Variants in CCT4 observed in about 807,000 individuals in gnomAD.
CCT4 encodes the protein chaperonin containing TCP1 subunit 4.
Under a neutral mutation model 62.5 loss-of-function variants are expected in CCT4, and 17 were observed. That is an observed-to-expected ratio of 0.27 (90% CI 0.19 to 0.41). The LOEUF (loss-of-function observed/expected upper bound fraction) is 0.41, where lower values mean the gene tolerates loss of function less well. Ranked by LOEUF, CCT4 falls within the 10% of genes least tolerant of loss-of-function variation. The probability of loss-of-function intolerance (pLI) is 1.00; values close to 1 mark genes in which losing one functional copy is unlikely to be tolerated. For missense variants in CCT4, 592 were observed against 659.2 expected (o/e 0.90, Z 1.12); for synonymous variants, 250 against 229.9 (o/e 1.09, Z -0.79).
intron 1 of CCT4, among the ~76,000 whole-genome samples, chr2:61,885,483 T>C (rs530189171): frequency 6.6e-6 from 1 of 152,280 alleles, no homozygotes; most frequent in East Asian, 1.9e-4. Context: ...CAATCTCGGC[T>C]CACTGCAACC....
chr2:61,881,364 C>T (rs1212265717), intron 3 of CCT4, among the ~76,000 whole-genome samples: 1 of 151,904 alleles, frequency 6.6e-6, no homozygotes, highest in African/African-American at 2.4e-5. Context: ...TCAGGTGATC[C>T]ACCCGCCTCA....
chr2:61,869,482 A>G lies in CCT4; in HGVS notation c.1563T>C (p.Leu521=), dbSNP rs1422229051. The change falls in exon 13 of 14, where the codon CTT becomes CTC. Residue 521 remains leucine (L), a synonymous_variant. Transcript: ENST00000394440. The part of the protein sequence containing the change: ...PLLVSVSALT[L]ATETVRSILK... ...GAATGCTCCGAACAGTTTCAGTTGC[A>G]AGAGTCAGAGCACTGACTGATACCA... is the stretch of plus-strand genomic sequence containing the variant. 6.2e-7 allele frequency: 1 copy of G among 1,612,866 alleles called. No individual in the cohort carries two copies.
intron 12 of CCT4, among the ~76,000 whole-genome samples, chr2:61,870,984 A>C (rs1668872233): frequency 6.6e-6 from 1 of 152,084 alleles, no homozygotes; most frequent in Non-Finnish European, 1.5e-5. Context: ...GGAAGGAAAA[A>C]AAAAATGGCT....
intron 1 of CCT4, 111 bp from the exon 2 acceptor site, chr2:61,885,183 C>T: frequency 1.5e-6 from 1 of 661,188 alleles, no homozygotes. Context: ...CTCAAGCAAC[C>T]CTCCCACCTC....
intron 1 of CCT4, 45 bp from the exon 2 acceptor site, chr2:61,885,117 T>C (rs1669220167): frequency 4.7e-6 from 7 of 1,486,602 alleles, no homozygotes; most frequent in Admixed American, 2.5e-5. Flanking sequence ...AGAACTTTTT[T>C]TTTTTTAAGA....
intron 5 of CCT4, 49 bp downstream of exon 5, chr2:61,878,820 T>TA: frequency 7.2e-7 from 1 of 1,385,130 alleles, no homozygotes; most frequent in Non-Finnish European, 1.0e-6. Flanking sequence ...AATCATAGAG[T>TA]AACACACTTT....
rs911003086 is a variant in CCT4, at chr2:61,878,819, G to A, written c.522+50C>T. The stretch of plus-strand genomic sequence containing the variant: ...ACCGTATAGCATCAAGAATCATAGA[G>A]TAACACACTTTTAACTAATTTGACA... On this transcript the variant is annotated intron_variant, in intron 5 of 13. Coordinates refer to ENST00000394440, the MANE Select transcript of CCT4 (RefSeq NM_006430.4). 5 of 1,376,774 alleles carry A rather than the reference G, an allele frequency of 3.6e-6. No homozygotes were observed. The African/African-American group carries it at 7.1e-5, about 20-fold the overall frequency. 85.3% of individuals were successfully genotyped at this position (1,376,774 alleles called of 1,614,324 possible). A position where few individuals can be genotyped will look rare whatever the true frequency, so the allele number is the denominator to read the frequency against.
At chr2:61,881,567 A>C (rs1240787319) in intron 3 of CCT4, among the ~76,000 whole-genome samples, 3 of 147,492 alleles carry the variant, frequency 2.0e-5, no homozygotes, top group African/African-American at 8.1e-5. Flanking sequence ...GAAAATACAG[A>C]AAGAAATTAA....
Position 61,878,914 on chromosome 2 carries a change from G to C in CCT4, c.477C>G (p.Asp159Glu). ...TTGCACTATTTAACAAAGTTTCTCT[G>C]TCACTCAGTTCCACAGGTCGAGACA... The part of the protein sequence containing the change: ...TDMSRPVELS[D>E]RETLLNSATT... Residue 159 changes from aspartate (D) to glutamate (E), a missense_variant, in exon 5 of 14, where the codon GAC (aspartate) becomes GAG (glutamate). Asp to Glu is a conservative substitution (Grantham distance 45, BLOSUM62 2). This residue lies in a region of CCT4 where 522 missense variants were observed against 571.2 expected (regional missense o/e 0.91). Coordinates refer to ENST00000394440, the MANE Select transcript of CCT4 (RefSeq NM_006430.4). The C allele has an allele frequency of 6.2e-7, 1 of 1,611,460 alleles. No homozygotes were observed. Among genetic ancestry groups the C allele is most frequent in the East Asian group, 2.2e-5 (1 of 44,812 alleles).
At chr2:61,875,167 T>G (rs1668971841) in intron 8 of CCT4, among the ~76,000 whole-genome samples, 1 of 152,018 alleles carries the variant, frequency 6.6e-6, no homozygotes, top group Non-Finnish European at 1.5e-5. Flanking sequence ...ATTACGCACT[T>G]TTTATCAAAA....
chr2:61,883,898 C>T (rs534992690), intron 2 of CCT4, among the ~76,000 whole-genome samples: 1 of 152,166 alleles, frequency 6.6e-6, no homozygotes, highest in East Asian at 1.9e-4. Flanking sequence ...CCATGGATGC[C>T]CCTAAAGCAG....
chr2:61,883,250 G>A (rs897609112), intron 3 of CCT4, among the ~76,000 whole-genome samples: 2 of 151,904 alleles, frequency 1.3e-5, no homozygotes, highest in African/African-American at 2.4e-5. Flanking sequence ...GGTGAAACCC[G>A]TCTCTACTGA....
chr2:61,881,052 C>A (rs1669100624), intron 3 of CCT4, among the ~76,000 whole-genome samples: 1 of 151,896 alleles, frequency 6.6e-6, no homozygotes, highest in Non-Finnish European at 1.5e-5. Flanking sequence ...GAGTCTTTTG[C>A]CAAGTTTATT....
intron 12 of CCT4, among the ~76,000 whole-genome samples, chr2:61,871,753 T>A (rs1484436415): frequency 6.6e-6 from 1 of 152,248 alleles, no homozygotes; most frequent in African/African-American, 2.4e-5. Context: ...GCTTGTTAAC[T>A]AGAAATGCAT....
At chr2:61,882,678 T>A (rs374741835) in intron 3 of CCT4, among the ~76,000 whole-genome samples, 22 of 152,076 alleles carry the variant, frequency 1.4e-4, no homozygotes, top group Admixed American at 1.3e-4. Flanking sequence ...CAACTATTAT[T>A]TTTTGTATTT....
rs1668821984 is a variant in CCT4 at position 61,868,584 on chromosome 2, C to A, written c.*108G>T. 1.2e-6 allele frequency: 1 copy of A among 816,970 alleles called. No individual in the cohort carries two copies. Among genetic ancestry groups the A allele is most frequent in the South Asian group, 1.6e-5 (1 of 61,796 alleles). 50.6% of individuals were successfully genotyped at this position (816,970 alleles called of 1,614,324 possible). On this transcript the variant is annotated 3_prime_UTR_variant, in exon 14 of 14. Transcript: ENST00000394440. ...GGCAAATGCCAACTGGAAGACCAAGCCCAGAAATTCAGAGGAAATAATCTT... is the reference window on the plus strand; with the variant it reads ...GGCAAATGCCAACTGGAAGACCAAGACCAGAAATTCAGAGGAAATAATCTT...
intron 7 of CCT4, 28 bp from the exon 8 acceptor site, chr2:61,876,262 G>T (rs756974352): frequency 3.3e-6 from 5 of 1,530,962 alleles, no homozygotes; most frequent in East Asian, 2.3e-5. Context: ...ATCATAATTT[G>T]CATTGTAAGA....
At chr2:61,877,201 A>T in intron 6 of CCT4, 149 bp from the exon 7 acceptor site, 1 of 889,232 alleles carries the variant, frequency 1.1e-6, no homozygotes, top group South Asian at 1.7e-5. Flanking sequence ...TCTTTGATCC[A>T]CTGCTGCCTT....
At chr2:61,885,119 T>TG (rs1483088310) in intron 1 of CCT4, 47 bp from the exon 2 acceptor site, 4 of 1,475,674 alleles carry the variant, frequency 2.7e-6, no homozygotes, top group Non-Finnish European at 3.6e-6. Flanking sequence ...AACTTTTTTT[T>TG]TTTTAAGAGA....
Sources: allele counts gnomAD v4.1 joint callset (sites outside exome capture counted in the v4.1 genomes callset), GRCh38; gene constraint gnomAD v4.1.1; regional missense constraint gnomAD v4.1.1; transcripts MANE v1.5; gene names NCBI Gene and HGNC (gene_info 2026-07-23, HGNC 2026-07-21).